The following TSHZ2 variants were observed in gnomAD, a reference collection of about 807,000 sequenced individuals.
The protein encoded by TSHZ2 is teashirt homolog 2.
A neutral mutation model predicts 74.4 loss-of-function variants in TSHZ2; 21 were observed. That is an observed-to-expected ratio of 0.28 (90% CI 0.20 to 0.41). TSHZ2 has a LOEUF of 0.41. Ranked by LOEUF, TSHZ2 falls within the 10% of genes least tolerant of loss-of-function variation. The probability of loss-of-function intolerance (pLI) is 1.00; values close to 1 mark genes in which losing one functional copy is unlikely to be tolerated. For synonymous variants in TSHZ2, 540 were observed against 515.3 expected (o/e 1.05, Z -0.65); for missense variants, 1,244 against 1,293.5 (o/e 0.96, Z 0.59).
At chr20:53,005,254 C>A (rs536515629) in intron 1 of TSHZ2, among the ~76,000 whole-genome samples, 1 of 152,012 alleles carries the variant, frequency 6.6e-6, no homozygotes, top group South Asian at 2.1e-4. Context: ...CAGAGATTGC[C>A]GTGAGCCAAG....
At chr20:53,188,542 G>C (rs2123533486) in intron 1 of TSHZ2, among the ~76,000 whole-genome samples, 1 of 152,286 alleles carries the variant, frequency 6.6e-6, no homozygotes, top group South Asian at 2.1e-4. Flanking sequence ...AAATGCACTT[G>C]CTAGACAATG....
chr20:53,486,659 A>G (rs1032154380), intron 2 of TSHZ2, among the ~76,000 whole-genome samples: 14 of 152,340 alleles, frequency 9.2e-5, no homozygotes, highest in African/African-American at 3.4e-4. Context: ...GTATAGCGAC[A>G]AAGCGAGACT....
At chr20:53,268,992 G>A (rs1241709693) in intron 2 of TSHZ2, among the ~76,000 whole-genome samples, 1 of 151,862 alleles carries the variant, frequency 6.6e-6, no homozygotes, top group Non-Finnish European at 1.5e-5. Context: ...TCATCTTTCA[G>A]TGATGCCGTG....
chr20:53,486,881 T>G (rs1230399209), intron 2 of TSHZ2, among the ~76,000 whole-genome samples: 1 of 152,120 alleles, frequency 6.6e-6, no homozygotes, highest in African/African-American at 2.4e-5. Context: ...TAGCGTCTGT[T>G]GTTCGCATGT....
intron 1 of TSHZ2, among the ~76,000 whole-genome samples, chr20:53,235,693 A>T (rs921228481): frequency 6.6e-6 from 1 of 152,240 alleles, no homozygotes; most frequent in Non-Finnish European, 1.5e-5. Context: ...GAGAGATTTT[A>T]TGAGATGCAA....
In TSHZ2 at chr20:53,287,191, A is replaced by C. The variant is rs528070873; in HGVS notation, c.*8+30620A>C. 1.0e-3 allele frequency among the ~76,000 whole-genome samples: 159 copies of C among 152,294 alleles called. 1 individual carries two copies. Among genetic ancestry groups the C allele is most frequent in the African/African-American group, 3.8e-3 (156 of 41,572 alleles). On this transcript the variant is annotated intron_variant, in intron 2 of 2. Transcript: ENST00000371497. Reference sequence around the variant, plus strand: ...CTCAATATACTGAACTTTTTCAAGGAGACAAAAATAGACATAATAATGATA... The same window carrying C: ...CTCAATATACTGAACTTTTTCAAGGCGACAAAAATAGACATAATAATGATA...
chr20:53,117,290 A>G (rs1376812188), intron 1 of TSHZ2, among the ~76,000 whole-genome samples: 1 of 152,248 alleles, frequency 6.6e-6, no homozygotes. Context: ...AAGAGATAAC[A>G]TATGGCATAT....
At chr20:53,009,334 C>T (rs1354273671) in intron 1 of TSHZ2, among the ~76,000 whole-genome samples, 1 of 152,010 alleles carries the variant, frequency 6.6e-6, no homozygotes, top group African/African-American at 2.4e-5. Flanking sequence ...TGAGACCCTA[C>T]CTCAAAAAAA....
intron 1 of TSHZ2, among the ~76,000 whole-genome samples, chr20:52,973,878 G>A (rs912882554): frequency 6.6e-6 from 1 of 152,050 alleles, no homozygotes; most frequent in Non-Finnish European, 1.5e-5. Flanking sequence ...ATGACTCTTT[G>A]CATATATTTT....
At chr20:53,287,448 A>G (rs1384410139) in intron 2 of TSHZ2, among the ~76,000 whole-genome samples, 2 of 152,208 alleles carry the variant, frequency 1.3e-5, no homozygotes, top group East Asian at 3.8e-4. Context: ...TTGGAGGTTA[A>G]AAGGTGATTG....
chr20:53,262,550 G>C (rs547016241), intron 2 of TSHZ2, among the ~76,000 whole-genome samples: 23 of 152,312 alleles, frequency 1.5e-4, no homozygotes, highest in Admixed American at 3.9e-4. Flanking sequence ...TTGTCTGGCA[G>C]GAGTTATTTG....
At chr20:53,222,875 C>T (rs1568820801) in intron 1 of TSHZ2, among the ~76,000 whole-genome samples, 1 of 152,192 alleles carries the variant, frequency 6.6e-6, no homozygotes. Context: ...TACAGCAAAA[C>T]AAGAAATGTA....
intron 2 of TSHZ2, among the ~76,000 whole-genome samples, chr20:53,441,162 A>G (rs990017882): frequency 1.5e-4 from 23 of 152,340 alleles, no homozygotes; most frequent in African/African-American, 5.5e-4. Flanking sequence ...CTCAGCCATC[A>G]GTAAAACTTC....
chr20:53,394,920 G>A (rs796811727), intron 2 of TSHZ2, among the ~76,000 whole-genome samples: 25 of 145,912 alleles, frequency 1.7e-4, no homozygotes, highest in African/African-American at 6.5e-4. Context: ...AGCCTCCACT[G>A]GCTCTGTTCC....
At chr20:53,328,147 C>T (rs1189240814) in intron 2 of TSHZ2, among the ~76,000 whole-genome samples, 1 of 152,190 alleles carries the variant, frequency 6.6e-6, no homozygotes, top group East Asian at 1.9e-4. Context: ...ACACACTCTT[C>T]CATCATGACC....
intron 2 of TSHZ2, among the ~76,000 whole-genome samples, chr20:53,432,325 T>A (rs1983874635): frequency 6.6e-6 from 1 of 152,246 alleles, no homozygotes; most frequent in African/African-American, 2.4e-5. Context: ...TATGGCTAAG[T>A]AGTATTCCAT....
At chr20:53,024,090 T>C (rs1020048008) in intron 1 of TSHZ2, among the ~76,000 whole-genome samples, 29 of 149,508 alleles carry the variant, frequency 1.9e-4, no homozygotes, top group African/African-American at 7.1e-4. Context: ...AAAGTATTCA[T>C]TCCACCCTCT....
intron 1 of TSHZ2, among the ~76,000 whole-genome samples, chr20:53,020,050 G>A (rs1206348760): frequency 1.3e-5 from 2 of 152,110 alleles, no homozygotes; most frequent in African/African-American, 4.8e-5. Context: ...AGTATGCAGG[G>A]GGAAACTGCC....
At position 53,387,174 on chromosome 20, in the gene TSHZ2, C is replaced by G. The variant is rs373185998; in HGVS notation, c.*9-99970C>G. 1.4e-3 allele frequency among the ~76,000 whole-genome samples: 206 copies of G among 152,258 alleles called. 1 individual carries two copies. The highest frequency in any genetic ancestry group is 4.8e-3 in the African/African-American group (198 of 41,552). Reference sequence around the variant, plus strand: ...TCACTAAGATCCCAAAGCCAATTCCCGGCATACCGAGCTCCACGGGATCTC... The same window carrying G: ...TCACTAAGATCCCAAAGCCAATTCCGGGCATACCGAGCTCCACGGGATCTC... On this transcript the variant is annotated intron_variant, in intron 2 of 2. Coordinates refer to ENST00000371497, the MANE Select transcript of TSHZ2 (RefSeq NM_173485.6).
Sources: gnomAD v4.1 joint callset for allele counts (sites outside exome capture counted in the v4.1 genomes callset) on GRCh38, gnomAD v4.1.1 for gene constraint, MANE v1.5 for transcripts, NCBI Gene and HGNC (gene_info 2026-07-23, HGNC 2026-07-21) for gene names.